The following SLC25A22 variants were observed in gnomAD, a reference collection of about 807,000 sequenced individuals.
SLC25A22 encodes the protein mitochondrial glutamate carrier 1.
In SLC25A22, 23 loss-of-function variants were observed where a neutral mutation model predicts 33.7. That is an observed-to-expected ratio of 0.68 (90% CI 0.49 to 0.97). The LOEUF (loss-of-function observed/expected upper bound fraction) is 0.97. Ranked by LOEUF, SLC25A22 falls within the 50% of genes least tolerant of loss-of-function variation. SLC25A22 has a pLI of 0.00. For missense variants in SLC25A22, 390 were observed against 451.1 expected (o/e 0.86, Z 1.23); for synonymous variants, 245 against 203.8 (o/e 1.20, Z -1.72).
intron 5 of SLC25A22, 70 bp from the exon 6 acceptor site, chr11:793,058 C>A: frequency 6.9e-7 from 1 of 1,445,144 alleles, no homozygotes; most frequent in East Asian, 2.4e-5. Context: ...GGCTGCCCAC[C>A]ATGCCTGGGC....
rs1864942721 is a variant in SLC25A22, at chr11:798,270, C to G, written c.-217G>C. 5.2e-6 allele frequency: 2 copies of G among 382,534 alleles called. No homozygotes were observed. The highest frequency in any genetic ancestry group is 7.5e-5 in the East Asian group (2 of 26,666). The allele number at this position is 382,534 out of a possible 1,614,324, so 23.7% of individuals were successfully genotyped here. A position where few individuals can be genotyped will look rare whatever the true frequency, so the allele number is the denominator to read the frequency against. On this transcript the variant is annotated 5_prime_UTR_variant, in exon 1 of 10. Coordinates refer to ENST00000628067, the MANE Select transcript of SLC25A22 (RefSeq NM_001191061.2). ...TGCCCGCCCCGCGCTCGGCCAGCAC[C>G]TAGGCGGGGAGGCGCGTCCGCTCGG...
At position 790,638 on chromosome 11, in the gene SLC25A22, G is replaced by C. The variant is rs191455128; in HGVS notation, c.*1277C>G. On this transcript the variant is annotated 3_prime_UTR_variant, in exon 10 of 10. Coordinates refer to ENST00000628067, the MANE Select transcript of SLC25A22 (RefSeq NM_001191061.2). ...AGCTCCCAGGAGCAACCGTGAACTG[G>C]GGGGGTCCAGGCCTGAGCCCCAGGT... 2.0e-5 allele frequency: 3 copies of C among 152,306 alleles called. No homozygotes were observed. Among genetic ancestry groups the C allele is most frequent in the Non-Finnish European group, 4.4e-5 (3 of 68,090 alleles). 9.4% of individuals were successfully genotyped at this position (152,306 alleles called of 1,614,324 possible). A position where few individuals can be genotyped will look rare whatever the true frequency, so the allele number is the denominator to read the frequency against.
At position 798,279 on chromosome 11, in the gene SLC25A22, G is replaced by A. The variant is rs1265172748; in HGVS notation, c.-226C>T. On this transcript the variant is annotated 5_prime_UTR_variant, in exon 1 of 10. Transcript: ENST00000628067. The stretch of plus-strand genomic sequence containing the variant: ...CGCGCTCGGCCAGCACCTAGGCGGG[G>A]AGGCGCGTCCGCTCGGCGCCGCGCG... 9 of 372,924 alleles carry A rather than the reference G, an allele frequency of 2.4e-5. No homozygotes were observed. Among genetic ancestry groups the A allele is most frequent in the Non-Finnish European group, 4.3e-5 (9 of 209,666 alleles). 23.1% of individuals were successfully genotyped at this position (372,924 alleles called of 1,614,324 possible).
At position 792,343 on chromosome 11, in the gene SLC25A22, C is replaced by T; in HGVS notation, c.703G>A (p.Ala235Thr). Residue 235 changes from alanine to threonine, a missense_variant, in exon 8 of 10, where the codon GCT (alanine) becomes ACT (threonine). By Grantham distance (58) the Ala-to-Thr change is moderately conservative (BLOSUM62 0). Coordinates refer to ENST00000628067, the MANE Select transcript of SLC25A22 (RefSeq NM_001191061.2). ...FYVSFLAGCV[A>T]GSAAAVAVNP... Reference sequence around the variant, plus strand: ...ACGGCCACAGCGGCGGCACTCCCAGCCACACAGCCGGCCAGGAAGGACACG... The same window carrying T: ...ACGGCCACAGCGGCGGCACTCCCAGTCACACAGCCGGCCAGGAAGGACACG... 6.2e-7 allele frequency: 1 copy of T among 1,613,232 alleles called. No individual in the cohort carries two copies. The highest frequency in any genetic ancestry group is 8.5e-7 in the Non-Finnish European group (1 of 1,179,962).
chr11:793,887 G>A (rs1481218445), intron 4 of SLC25A22: 8 of 549,988 alleles, frequency 1.5e-5, no homozygotes, highest in Non-Finnish European at 2.6e-5. Flanking sequence ...CAGGGCATGA[G>A]GACTGCCCCG....
Position 793,497 on chromosome 11 carries a change from C to T in SLC25A22, c.293+32G>A, listed in dbSNP as rs763714021. The T allele has an allele frequency of 2.5e-6, 4 of 1,606,990 alleles. No individual in the cohort carries two copies. The South Asian group carries it at 4.4e-5, about 18-fold the overall frequency. ...CCCATCCTTTATCTGAAGCCAAAGA[C>T]CCCTCGAGTGTCTGCCAGGCAGAAC... On this transcript the variant is annotated intron_variant, in intron 5 of 9. Transcript: ENST00000628067.
At position 791,560 on chromosome 11, in the gene SLC25A22, G is replaced by A. The variant is rs544104515; in HGVS notation, c.*355C>T. On this transcript the variant is annotated 3_prime_UTR_variant, in exon 10 of 10. Transcript: ENST00000628067. ...GATGGCTGTGGAGACTGGAGCTGGT[G>A]GACTGGGGGTATGGTCCAGCCTGCC... The A allele has an allele frequency of 2.8e-6, 1 of 359,900 alleles. No individual in the cohort carries two copies. Among genetic ancestry groups the A allele is most frequent in the South Asian group, 3.0e-5 (1 of 33,872 alleles). The allele number at this position is 359,900 out of a possible 1,614,324, so 22.3% of individuals were successfully genotyped here. A position where few individuals can be genotyped will look rare whatever the true frequency, so the allele number is the denominator to read the frequency against.
intron 5 of SLC25A22, 36 bp from the exon 6 acceptor site, chr11:793,024 GAC>G: frequency 6.3e-7 from 1 of 1,599,630 alleles, no homozygotes; most frequent in East Asian, 2.2e-5. Flanking sequence ...AGTGGGAAGA[GAC>G]AGGTCTACCT....
rs923540684 is a variant in SLC25A22 at position 795,296 on chromosome 11, G to A, written c.-163-127C>T. ...GACTGAAGCCGTCACTGCGTCCTGA[G>A]GGTGCAGCAGCGGGAGGCACCTGCC... On this transcript the variant is annotated intron_variant, in intron 1 of 9. Coordinates refer to ENST00000628067, the MANE Select transcript of SLC25A22 (RefSeq NM_001191061.2). 1.6e-5 allele frequency: 9 copies of A among 576,304 alleles called. No homozygotes were observed. The Admixed American group carries it at 2.5e-4, about 16-fold the overall frequency. 35.7% of individuals were successfully genotyped at this position (576,304 alleles called of 1,614,324 possible).
intron 1 of SLC25A22, chr11:796,254 C>G (rs969698860): frequency 3.9e-4 from 56 of 142,726 alleles, no homozygotes; most frequent in African/African-American, 1.4e-3. Context: ...GAAGGGGAAG[C>G]TGCCGGGGGA....
chr11:793,440 G>GC, intron 5 of SLC25A22, 89 bp downstream of exon 5: 2 of 1,259,282 alleles, frequency 1.6e-6, no homozygotes, highest in Non-Finnish European at 2.3e-6. Context: ...GACAGGCAGA[G>GC]CCCCCAGGTG....
chr11:797,006 C>T (rs1208259651), intron 1 of SLC25A22, among the ~76,000 whole-genome samples: 1 of 152,178 alleles, frequency 6.6e-6, no homozygotes, highest in East Asian at 1.9e-4. Flanking sequence ...TGCGCTGGGC[C>T]CTTCATCTCC....
At chr11:796,954 C>A (rs930692611) in intron 1 of SLC25A22, among the ~76,000 whole-genome samples, 2 of 152,166 alleles carry the variant, frequency 1.3e-5, no homozygotes, top group Non-Finnish European at 2.9e-5. Flanking sequence ...CCACCCCTGC[C>A]GCCCCACTCT....
At position 791,568 on chromosome 11, in the gene SLC25A22, G is replaced by T. The variant is rs1864517671; in HGVS notation, c.*347C>A. ...TGGAGACTGGAGCTGGTGGACTGGG[G>T]GTATGGTCCAGCCTGCCCGGCCCAG... On this transcript the variant is annotated 3_prime_UTR_variant, in exon 10 of 10. Coordinates refer to ENST00000628067, the MANE Select transcript of SLC25A22 (RefSeq NM_001191061.2). 1.1e-5 allele frequency: 4 copies of T among 373,882 alleles called. No homozygotes were observed. Among genetic ancestry groups the T allele is most frequent in the Non-Finnish European group, 2.0e-5 (4 of 201,566 alleles). 23.2% of individuals were successfully genotyped at this position (373,882 alleles called of 1,614,324 possible). A position where few individuals can be genotyped will look rare whatever the true frequency, so the allele number is the denominator to read the frequency against.
chr11:791,921 C>G lies in SLC25A22; in HGVS notation c.966G>C (p.Gln322His). Residue 322 changes from glutamine to histidine, a missense_variant, in exon 10 of 10, where the codon CAG (glutamine) becomes CAC (histidine). Coordinates refer to ENST00000628067, the MANE Select transcript of SLC25A22 (RefSeq NM_001191061.2). ...ESLLGLLQDP[Q>H]A ...GGTGGAGCGGGTGCTGGGCTCAGGCCTGGGGGTCCTGCAGCAGCCCCAGCA... is the reference window on the plus strand; with the variant it reads ...GGTGGAGCGGGTGCTGGGCTCAGGCGTGGGGGTCCTGCAGCAGCCCCAGCA... The G allele has an allele frequency of 6.3e-7, 1 of 1,597,954 alleles. No homozygotes were observed. The highest frequency in any genetic ancestry group is 8.5e-7 in the Non-Finnish European group (1 of 1,178,340).
At chr11:792,843 C>T (rs1187685791) in intron 6 of SLC25A22, 27 bp downstream of exon 6, 5 of 1,590,514 alleles carry the variant, frequency 3.1e-6, no homozygotes, top group Non-Finnish European at 4.3e-6. Flanking sequence ...CACCTCTGCC[C>T]TCTCCTCCCC....
At chr11:792,520 C>G in intron 7 of SLC25A22, 33 bp downstream of exon 7, 1 of 1,612,380 alleles carries the variant, frequency 6.2e-7, no homozygotes, top group South Asian at 1.1e-5. Flanking sequence ...CGGCCTCCCC[C>G]TTCCCTCCCC....
At chr11:797,243 C>T (rs890838174) in intron 1 of SLC25A22, among the ~76,000 whole-genome samples, 1 of 152,156 alleles carries the variant, frequency 6.6e-6, no homozygotes, top group Non-Finnish European at 1.5e-5. Flanking sequence ...CCCAGTGCAG[C>T]GGAGAGGAGC....
Position 794,509 on chromosome 11 carries a change from C to G in SLC25A22, c.151G>C (p.Asp51His), listed in dbSNP as rs116134953. ...GAGCGGACGGTCTTGATGAGGCAGT[C>G]GGACCTGTGGCCAAGGGGACAGGGT... ...NGQRVYTSMS[D>H]CLIKTVRSEG... Residue 51 changes from aspartate (D) to histidine (H), a missense_variant, in exon 4 of 10, where the codon GAC becomes CAC. Coordinates refer to ENST00000628067, the MANE Select transcript of SLC25A22 (RefSeq NM_001191061.2). 1 of 1,612,414 alleles carries G rather than the reference C, an allele frequency of 6.2e-7. No homozygotes were observed. The highest frequency in any genetic ancestry group is 1.1e-5 in the South Asian group (1 of 90,938).
Sources: gnomAD v4.1 joint callset for allele counts (sites outside exome capture counted in the v4.1 genomes callset) on GRCh38, gnomAD v4.1.1 for gene constraint, MANE v1.5 for transcripts, NCBI Gene and HGNC (gene_info 2026-07-23, HGNC 2026-07-21) for gene names.